Variants in KHDRBS2 observed in about 807,000 individuals in gnomAD.
The protein encoded by KHDRBS2 is KH domain-containing, RNA-binding, signal transduction-associated protein 2.
In KHDRBS2, 26 loss-of-function variants were observed where a neutral mutation model predicts 44.3. The ratio of observed to expected loss-of-function variants is 0.59; its 90% CI spans 0.43 to 0.81. The LOEUF (loss-of-function observed/expected upper bound fraction) is 0.81. Among genes scored for constraint, KHDRBS2 ranks in the 40% least tolerant of loss-of-function variants. The probability of loss-of-function intolerance (pLI) is 0.00; values close to 1 mark genes in which losing one functional copy is unlikely to be tolerated. For synonymous variants in KHDRBS2, 194 were observed against 151.1 expected (o/e 1.28, Z -2.08); for missense variants, 476 against 433.1 (o/e 1.10, Z -0.88).
intron 6 of KHDRBS2, among the ~76,000 whole-genome samples, chr6:61,851,261 G>GTA (rs57410083): frequency 6.6e-6 from 1 of 151,374 alleles, no homozygotes; most frequent in Non-Finnish European, 1.5e-5. Flanking sequence ...GTATATAGGT[G>GTA]TATATATATA....
chr6:62,189,791 G>A (rs1383504237), intron 1 of KHDRBS2, among the ~76,000 whole-genome samples: 1 of 152,110 alleles, frequency 6.6e-6, no homozygotes, highest in Non-Finnish European at 1.5e-5. Context: ...GAGTAAGTAG[G>A]TGAGGAGTAG....
At chr6:61,684,534 G>GT (rs1339058964) in intron 8 of KHDRBS2, among the ~76,000 whole-genome samples, 1 of 151,750 alleles carries the variant, frequency 6.6e-6, no homozygotes, top group Non-Finnish European at 1.5e-5. Context: ...TTAGAGTCCT[G>GT]TTTTTTTCTA....
At chr6:62,161,498 G>T (rs974453128) in intron 2 of KHDRBS2, among the ~76,000 whole-genome samples, 1 of 136,288 alleles carries the variant, frequency 7.3e-6, no homozygotes, top group Non-Finnish European at 1.5e-5. Flanking sequence ...GTATATGTGA[G>T]AATTGCATAG....
intron 4 of KHDRBS2, among the ~76,000 whole-genome samples, chr6:61,972,997 T>C (rs1473345989): frequency 1.3e-5 from 2 of 152,126 alleles, no homozygotes; most frequent in East Asian, 3.9e-4. Context: ...AATACAGAAA[T>C]AAGCTGTGTG....
chr6:62,115,405 T>A (rs928406784), intron 2 of KHDRBS2, among the ~76,000 whole-genome samples: 1 of 152,092 alleles, frequency 6.6e-6, no homozygotes, highest in Non-Finnish European at 1.5e-5. Flanking sequence ...CAGAAAAAAA[T>A]ATTTATTGAC....
chr6:62,112,336 C>A (rs1023262023), intron 2 of KHDRBS2, among the ~76,000 whole-genome samples: 1 of 152,028 alleles, frequency 6.6e-6, no homozygotes, highest in African/African-American at 2.4e-5. Context: ...CAAATTAAAG[C>A]GGCTTTGATG....
At chr6:62,175,812 G>T (rs1219114776) in intron 2 of KHDRBS2, among the ~76,000 whole-genome samples, 1 of 151,380 alleles carries the variant, frequency 6.6e-6, no homozygotes, top group Admixed American at 6.6e-5. Flanking sequence ...GTAATAATCA[G>T]CATAAAACCA....
chr6:61,841,923 A>AT (rs1214285256), intron 6 of KHDRBS2, among the ~76,000 whole-genome samples: 3 of 152,148 alleles, frequency 2.0e-5, no homozygotes, highest in African/African-American at 7.2e-5. Context: ...CCCAGAGGCA[A>AT]TCATTAGCTA....
At chr6:61,652,772 G>T in the KHDRBS2 span, among the ~76,000 whole-genome samples, 6 of 152,042 alleles carry the variant, frequency 3.9e-5, no homozygotes, top group Non-Finnish European at 5.9e-5. Flanking sequence ...AAATGCCCAT[G>T]GATGTAGCCA....
chr6:61,721,373 A>G (rs889745543), intron 7 of KHDRBS2, among the ~76,000 whole-genome samples: 15 of 151,894 alleles, frequency 9.9e-5, no homozygotes, highest in African/African-American at 3.6e-4. Flanking sequence ...CTCGGGCAGT[A>G]TGGCCATTTT....
chr6:61,583,866 C>T, the KHDRBS2 span, among the ~76,000 whole-genome samples: 1 of 150,512 alleles, frequency 6.6e-6, no homozygotes, highest in Non-Finnish European at 1.5e-5. Context: ...CTCATTTAGT[C>T]CTTTTTAAGT....
chr6:62,203,961 C>A (rs1827504233), intron 1 of KHDRBS2, among the ~76,000 whole-genome samples: 1 of 152,072 alleles, frequency 6.6e-6, no homozygotes, highest in South Asian at 2.1e-4. Flanking sequence ...TATTAATTCA[C>A]ATGAGAGCTG....
intron 1 of KHDRBS2, among the ~76,000 whole-genome samples, chr6:62,278,737 G>C (rs2150194813): frequency 6.6e-6 from 1 of 152,264 alleles, no homozygotes; most frequent in Admixed American, 6.5e-5. Context: ...GGTTTTCTTA[G>C]ATTTTCTTTG....
At chr6:61,666,394 T>G in the KHDRBS2 span, among the ~76,000 whole-genome samples, 1 of 151,584 alleles carries the variant, frequency 6.6e-6, no homozygotes, top group South Asian at 2.1e-4. Context: ...TTACACTGTG[T>G]TTCTAGACCC....
At chr6:61,788,098 G>A (rs999514713) in intron 6 of KHDRBS2, among the ~76,000 whole-genome samples, 3 of 151,504 alleles carry the variant, frequency 2.0e-5, no homozygotes, top group Admixed American at 2.0e-4. Flanking sequence ...AATTTGAGTA[G>A]TTTTCTATTT....
At chr6:61,550,797 G>A in the KHDRBS2 span, among the ~76,000 whole-genome samples, 2 of 96,372 alleles carry the variant, frequency 2.1e-5, no homozygotes, top group Non-Finnish European at 3.9e-5. Flanking sequence ...TTTTTGAGAT[G>A]GAGTTTTGCT....
intron 6 of KHDRBS2, among the ~76,000 whole-genome samples, chr6:61,771,050 G>T (rs1422762691): frequency 2.6e-5 from 4 of 152,254 alleles, no homozygotes; most frequent in East Asian, 3.9e-4. Context: ...TTAAAGAAAA[G>T]AATTTTCAAC....
chr6:61,940,312 G>C (rs1233619799), intron 4 of KHDRBS2, among the ~76,000 whole-genome samples: 1 of 152,022 alleles, frequency 6.6e-6, no homozygotes, highest in Admixed American at 6.6e-5. Flanking sequence ...TGGAAGCCAA[G>C]AGACACTTCC....
chr6:61,574,895 CGAAATACCA>C, the KHDRBS2 span, among the ~76,000 whole-genome samples: 43 of 151,858 alleles, frequency 2.8e-4, no homozygotes, highest in Non-Finnish European at 5.4e-4. Context: ...GCAACAAGGG[CGAAATACCA>C]TCTCAAAAAA....
Sources: allele counts gnomAD v4.1 joint callset (sites outside exome capture counted in the v4.1 genomes callset), GRCh38; gene constraint gnomAD v4.1.1; transcripts MANE v1.5; gene names NCBI Gene and HGNC (gene_info 2026-07-23, HGNC 2026-07-21).